The following ZFHX3 variants were observed in gnomAD, a reference collection of about 807,000 sequenced individuals.
ZFHX3 encodes zinc finger homeobox protein 3.
In ZFHX3, 42 loss-of-function variants were observed where a neutral mutation model predicts 279.1. The ratio of observed to expected loss-of-function variants is 0.15; its 90% CI spans 0.12 to 0.19. The LOEUF (loss-of-function observed/expected upper bound fraction) is 0.19. ZFHX3 is among the 10% of genes least tolerant of loss of function. The pLI is 1.00. For synonymous variants in ZFHX3, 2,293 were observed against 1,957.8 expected, an observed-to-expected ratio of 1.17 and a Z score of -4.52; for missense variants, 4,981 against 4,754.0, an observed-to-expected ratio of 1.05 and a Z score of -1.40.
At chr16:72,821,892 C>T (rs1567533489) in intron 5 of ZFHX3, 1 of 152,144 alleles carries the variant, frequency 6.6e-6, no homozygotes, top group Non-Finnish European at 1.5e-5. Flanking sequence ...GGCTATAAAA[C>T]CATAGAACGA....
In ZFHX3 at chr16:72,787,584, G is replaced by A. The variant is rs374523652; in HGVS notation, c.10692C>T (p.Asn3564=). The change falls in exon 10 of 10, where the codon AAC becomes AAT. Residue 3564 remains asparagine (N), a synonymous_variant. Transcript: ENST00000268489. ...GTAATAAACTAGGGTGCTCTTTGGC[G>A]TTTCTTGCTGCTCTCGTGATTGTTC... ...KHRTITRAAR[N]AKEHPSLLPH... is the part of the protein sequence containing the mutation. 1 of 1,613,840 alleles carries A rather than the reference G, an allele frequency of 6.2e-7. No homozygotes were observed. The highest frequency in any genetic ancestry group is 1.3e-5 in the African/African-American group (1 of 74,870).
intron 5 of ZFHX3, among the ~76,000 whole-genome samples, chr16:73,156,458 G>C (rs1450795772): frequency 3.3e-5 from 5 of 152,146 alleles, no homozygotes; most frequent in Non-Finnish European, 7.3e-5. Flanking sequence ...TGCTACCATG[G>C]ATCCGTCATC....
intron 5 of ZFHX3, chr16:73,144,357 C>A (rs553896860): frequency 1.3e-5 from 2 of 153,054 alleles, no homozygotes; most frequent in Admixed American, 6.5e-5. Context: ...GAGTTGGCTG[C>A]CGAGATGTAG....
chr16:73,270,353 A>T (rs2014106236), intron 4 of ZFHX3, among the ~76,000 whole-genome samples: 2 of 152,200 alleles, frequency 1.3e-5, no homozygotes, highest in Non-Finnish European at 2.9e-5. Flanking sequence ...GCTTAGAAAC[A>T]TGCAGCCCAG....
Position 73,177,710 on chromosome 16 carries a change from T to C in ZFHX3, c.-1103-33879A>G, listed in dbSNP as rs1037939593. Among the ~76,000 whole-genome samples the C allele has an allele frequency of 3.3e-5, 5 of 152,234 alleles. 1 individual carries two copies. The East Asian group carries it at 5.8e-4, about 18-fold the overall frequency. On this transcript the variant is annotated intron_variant, in intron 5 of 17. Transcript: ENST00000641206. ...GAATAGAAGAGGCAGCCAATTCCTA[T>C]TTAACTGAACAAAGAAAGTAAATGT...
chr16:73,168,260 T>TTTCTTTCTTTCTTTCC, intron 5 of ZFHX3, among the ~76,000 whole-genome samples: 1 of 150,032 alleles, frequency 6.7e-6, no homozygotes, highest in Non-Finnish European at 1.5e-5. Context: ...TCTTTCTTTC[T>TTTCTTTCTTTCTTTCC]TTCTTTCTTT....
chr16:73,493,751 G>A (rs1365289798), intron 2 of ZFHX3, among the ~76,000 whole-genome samples: 1 of 152,048 alleles, frequency 6.6e-6, no homozygotes, highest in African/African-American at 2.4e-5. Flanking sequence ...AAAAACCATT[G>A]TTCCTGGGTG....
intron 4 of ZFHX3, among the ~76,000 whole-genome samples, chr16:72,866,822 A>C (rs2038035347): frequency 6.6e-6 from 1 of 152,158 alleles, no homozygotes; most frequent in African/African-American, 2.4e-5. Flanking sequence ...ACCCCACAAC[A>C]ACCCCACCCA....
intron 3 of ZFHX3, among the ~76,000 whole-genome samples, chr16:73,392,882 T>C (rs2017048825): frequency 6.6e-6 from 1 of 152,234 alleles, no homozygotes. Context: ...TTGCCCAGGC[T>C]GGAGTGCAGT....
chr16:73,326,892 AT>A (rs1172598981), intron 3 of ZFHX3, among the ~76,000 whole-genome samples: 3 of 152,194 alleles, frequency 2.0e-5, no homozygotes, highest in Non-Finnish European at 1.5e-5. Flanking sequence ...GATGCCATCG[AT>A]TTCTTTGCCA....
chr16:72,839,638 C>CA (rs898215979), intron 4 of ZFHX3, among the ~76,000 whole-genome samples: 57 of 151,142 alleles, frequency 3.8e-4, no homozygotes, highest in African/African-American at 1.2e-3. Context: ...CCACCCCCCC[C>CA]AAAAAAAAGC....
chr16:73,064,942 C>G (rs1965727862), intron 8 of ZFHX3, among the ~76,000 whole-genome samples: 1 of 152,206 alleles, frequency 6.6e-6, no homozygotes, highest in African/African-American at 2.4e-5. Flanking sequence ...ACATGTAAAG[C>G]CTGGGGCGAG....
At position 73,352,848 on chromosome 16, in the gene ZFHX3, T is replaced by C. The variant is rs73589332; in HGVS notation, c.-1290-34512A>G. 7.4e-3 allele frequency among the ~76,000 whole-genome samples: 1,124 copies of C among 152,238 alleles called. 7 individuals carry two copies. The highest frequency in any genetic ancestry group is 0.026 in the African/African-American group (1,075 of 41,542). ...TCTTCATATGGGACTTCATCTGCTGTGAAATCCTCAGCTGCACTGGTCAAT... is the reference window on the plus strand; with the variant it reads ...TCTTCATATGGGACTTCATCTGCTGCGAAATCCTCAGCTGCACTGGTCAAT... On this transcript the variant is annotated intron_variant, in intron 3 of 17. Coordinates refer to the ZFHX3 transcript ENST00000641206.
At position 72,787,190 on chromosome 16, in the gene ZFHX3, C is replaced by A; in HGVS notation, c.11086G>T (p.Val3696Leu). 1 of 1,610,620 alleles carries A rather than the reference C, an allele frequency of 6.2e-7. No homozygotes were observed. The highest frequency in any genetic ancestry group is 1.1e-5 in the South Asian group (1 of 90,752). The part of the protein sequence containing the change: ...SCPKDSGLTS[V>L]GTDTFRL ...TACAATCTGAAGGTGTCCGTTCCTACACTGGTCAGACCACTGTCCTTGGGG... is the reference window on the plus strand; with the variant it reads ...TACAATCTGAAGGTGTCCGTTCCTAAACTGGTCAGACCACTGTCCTTGGGG... Residue 3696 changes from valine (V) to leucine (L), a missense_variant, in exon 10 of 10, where the codon GTA becomes TTA. Val to Leu is a conservative substitution (Grantham distance 32). Transcript: ENST00000268489.
intron 2 of ZFHX3, among the ~76,000 whole-genome samples, chr16:73,493,376 C>T (rs571339977): frequency 3.5e-4 from 54 of 152,284 alleles, no homozygotes; most frequent in African/African-American, 1.3e-3. Flanking sequence ...ACCAATTTTT[C>T]ACTTGTGCAT....
chr16:73,347,144 G>A (rs769874610), intron 3 of ZFHX3, among the ~76,000 whole-genome samples: 3 of 152,180 alleles, frequency 2.0e-5, no homozygotes, highest in Non-Finnish European at 2.9e-5. Flanking sequence ...TCAAATGACT[G>A]CAAAGTCTAT....
chr16:73,486,496 C>A lies in ZFHX3; in HGVS notation c.-1546-30238G>T, dbSNP rs140051148. Among the ~76,000 whole-genome samples the A allele has an allele frequency of 3.9e-5, 6 of 152,322 alleles. No homozygotes were observed. The East Asian group carries it at 1.2e-3, about 29-fold the overall frequency. ...TGTCAAGAACCTGGACACCCTCCAC[C>A]AGTAACAGTATCACTTGATAACAGG... On this transcript the variant is annotated intron_variant, in intron 2 of 17. Transcript: ENST00000641206.
At chr16:72,972,399 G>T (rs1294031035) in intron 1 of ZFHX3, among the ~76,000 whole-genome samples, 1 of 152,140 alleles carries the variant, frequency 6.6e-6, no homozygotes, top group East Asian at 1.9e-4. Context: ...TCCATCCAAA[G>T]AGTGGACTCT....
At chr16:72,819,165 T>C (rs1318588302) in intron 5 of ZFHX3, among the ~76,000 whole-genome samples, 1 of 152,138 alleles carries the variant, frequency 6.6e-6, no homozygotes, top group Non-Finnish European at 1.5e-5. Context: ...TAGATAAAGA[T>C]TTCCAGGTCT....
Sources: allele counts gnomAD v4.1 joint callset (sites outside exome capture counted in the v4.1 genomes callset), GRCh38; gene constraint gnomAD v4.1.1; transcripts MANE v1.5; gene names NCBI Gene and HGNC (gene_info 2026-07-23, HGNC 2026-07-21).